Variants in REPS1 observed in about 807,000 individuals in gnomAD.
REPS1 encodes ralBP1-associated Eps domain-containing protein 1.
A neutral mutation model predicts 100.9 loss-of-function variants in REPS1; 39 were observed. That is an observed-to-expected ratio of 0.39 (90% CI 0.30 to 0.50). REPS1 has a LOEUF of 0.50. Among genes scored for constraint, REPS1 ranks in the 20% least tolerant of loss-of-function variants. The pLI is 0.86. For synonymous variants in REPS1, 324 were observed against 340.3 expected, an observed-to-expected ratio of 0.95 and a Z score of 0.53; for missense variants, 821 against 968.5, an observed-to-expected ratio of 0.85 and a Z score of 2.02.
Position 138,905,084 on chromosome 6 carries a change from G to A in REPS1, c.2371C>T (p.Arg791Ter). 1 of 1,613,842 alleles carries A rather than the reference G, an allele frequency of 6.2e-7. No individual in the cohort carries two copies. The highest frequency in any genetic ancestry group is 8.5e-7 in the Non-Finnish European group (1 of 1,179,812). The change falls in exon 20 of 20, where the codon CGA (arginine) becomes TGA (stop). Residue 791 changes from arginine to a stop codon, truncating the protein, a stop_gained. Coordinates refer to ENST00000450536, the MANE Select transcript of REPS1 (RefSeq NM_001286611.2). LOFTEE classifies it high-confidence loss of function. ...ISLEVQLEQL[R>*]PFSHL is the part of the protein sequence containing the mutation. ...TTGGCTTATAGGTGAGAGAATGGTC[G>A]AAGTTGTTCCAGTTGAACTTCCAGG... is the stretch of plus-strand genomic sequence containing the variant.
chr6:138,961,280 A>T (rs1783722454), intron 1 of REPS1, among the ~76,000 whole-genome samples: 1 of 152,084 alleles, frequency 6.6e-6, no homozygotes, highest in Admixed American at 6.5e-5. Context: ...TTTGTCGCCC[A>T]GGCTGGAGTG....
intron 10 of REPS1, among the ~76,000 whole-genome samples, chr6:138,921,519 C>G (rs189522813): frequency 6.6e-6 from 1 of 150,564 alleles, no homozygotes; most frequent in Admixed American, 6.6e-5. Flanking sequence ...TGGGCATAGC[C>G]CATGACTTAT....
Position 138,987,513 on chromosome 6 carries a change from C to T in REPS1, c.153+17G>A. The T allele has an allele frequency of 6.5e-7, 1 of 1,545,014 alleles. No homozygotes were observed. The highest frequency in any genetic ancestry group is 8.7e-7 in the Non-Finnish European group (1 of 1,144,504). On this transcript the variant is annotated intron_variant, in intron 1 of 19. Transcript: ENST00000450536. Reference sequence around the variant, plus strand: ...TGCAGGCCTAAGCCGCCCGCCGGCCCCGGGACGCGACGTTACCTGTAGGAC... The same window carrying T: ...TGCAGGCCTAAGCCGCCCGCCGGCCTCGGGACGCGACGTTACCTGTAGGAC...
At chr6:138,957,458 T>A (rs1415066933) in intron 1 of REPS1, among the ~76,000 whole-genome samples, 1 of 152,232 alleles carries the variant, frequency 6.6e-6, no homozygotes, top group African/African-American at 2.4e-5. Context: ...ATGGAAAGAA[T>A]GGACATTTTC....
chr6:138,918,329 T>C (rs1020897499), intron 12 of REPS1, among the ~76,000 whole-genome samples: 1 of 152,180 alleles, frequency 6.6e-6, no homozygotes, highest in African/African-American at 2.4e-5. Context: ...AGGATGTGCA[T>C]AGGTTACATG....
At position 138,930,490 on chromosome 6, in the gene REPS1, G is replaced by C. The variant is rs1781421726; in HGVS notation, c.1136-392C>G. 7.9e-5 allele frequency among the ~76,000 whole-genome samples: 12 copies of C among 152,262 alleles called. No homozygotes were observed. The South Asian group carries it at 2.5e-3, about 32-fold the overall frequency. On this transcript the variant is annotated intron_variant, in intron 8 of 19. Coordinates refer to ENST00000450536, the MANE Select transcript of REPS1 (RefSeq NM_001286611.2). Reference sequence around the variant, plus strand: ...TTGAAAAATTAGGTTTTCTGCTCAAGTAAGTTTGGGGAAACAATAATTCTC... The same window carrying C: ...TTGAAAAATTAGGTTTTCTGCTCAACTAAGTTTGGGGAAACAATAATTCTC...
At chr6:138,972,529 T>C (rs919612215) in intron 1 of REPS1, among the ~76,000 whole-genome samples, 2 of 152,092 alleles carry the variant, frequency 1.3e-5, no homozygotes, top group African/African-American at 4.8e-5. Context: ...GTTAACTAAA[T>C]TAAATGAGAA....
chr6:138,905,072 G>A lies in REPS1; in HGVS notation c.2383C>T (p.His795Tyr). 3 of 1,613,978 alleles carry A rather than the reference G, an allele frequency of 1.9e-6. No individual in the cohort carries two copies. Among genetic ancestry groups the A allele is most frequent in the African/African-American group, 1.3e-5 (1 of 75,052 alleles). Residue 795 changes from histidine to tyrosine, a missense_variant, in exon 20 of 20, where the codon CAC (histidine) becomes TAC (tyrosine). Physicochemically the swap from His to Tyr is moderately conservative, Grantham distance 83 (BLOSUM62 2). This residue lies in a region of REPS1 where 757 missense variants were observed against 866.4 expected (regional missense o/e 0.87). Transcript: ENST00000450536. ...AGTTAACGGCAATTGGCTTATAGGT[G>A]AGAGAATGGTCGAAGTTGTTCCAGT... ...VQLEQLRPFS[H>Y]L is the part of the protein sequence containing the mutation.
At position 138,945,279 on chromosome 6, in the gene REPS1, T is replaced by C; in HGVS notation, c.568A>G (p.Ser190Gly). 4 of 1,611,702 alleles carry C rather than the reference T, an allele frequency of 2.5e-6. No homozygotes were observed. The African/African-American group carries it at 5.3e-5, about 21-fold the overall frequency. Residue 190 changes from serine to glycine, a missense_variant, in exon 4 of 20, where the codon AGT becomes GGT. Coordinates refer to ENST00000450536, the MANE Select transcript of REPS1 (RefSeq NM_001286611.2). ...CCAGGTCCCGCGAGAGGCCTCTCACTATTCCCACCGCTGGGATGACGGCTG... is the reference window on the plus strand; with the variant it reads ...CCAGGTCCCGCGAGAGGCCTCTCACCATTCCCACCGCTGGGATGACGGCTG... ...KHSRHPSGGN[S>G]ERPLAGPGPF...
In REPS1 at chr6:138,921,086, A is replaced by G. The variant is rs772600768; in HGVS notation, c.1377T>C (p.Thr459=). 1 of 1,612,626 alleles carries G rather than the reference A, an allele frequency of 6.2e-7. No individual in the cohort carries two copies. Among genetic ancestry groups the G allele is most frequent in the Non-Finnish European group, 8.5e-7 (1 of 1,179,082 alleles). The change falls in exon 11 of 20, where the codon ACT becomes ACC. Residue 459 remains threonine, a synonymous_variant. Coordinates refer to ENST00000450536, the MANE Select transcript of REPS1 (RefSeq NM_001286611.2). ...AIVHPVPIRM[T]PSKIHMQEME... ...TTTCCTGCATGTGGATTTTGCTTGG[A>G]GTCATACGAATGGGAACTGGATGAA...
At chr6:138,944,430 A>G in intron 5 of REPS1, 68 bp downstream of exon 5, 1 of 1,523,796 alleles carries the variant, frequency 6.6e-7, no homozygotes, top group Admixed American at 2.2e-5. Flanking sequence ...AGCAAAATAT[A>G]AAAACAACGA....
Position 138,925,659 on chromosome 6 carries a change from T to TAA in REPS1, c.1338+740_1338+741dup, listed in dbSNP as rs5880412. On this transcript the variant is annotated intron_variant, in intron 10 of 19. Transcript: ENST00000450536. ...AGTGCTTATTAGCACATCCTTGTCT[T>TAA]AAAAAAAAAAAAAAAGACAGAGAGA... is the stretch of plus-strand genomic sequence containing the variant. Among the ~76,000 whole-genome samples the TAA allele has an allele frequency of 9.4e-5, 13 of 137,856 alleles. 1 individual carries two copies. Among genetic ancestry groups the TAA allele is most frequent in the South Asian group, 2.3e-4 (1 of 4,360 alleles). 90.4% of individuals were successfully genotyped at this position (137,856 alleles called of 152,430 possible).
At chr6:138,936,723 G>C (rs1305458121) in intron 8 of REPS1, among the ~76,000 whole-genome samples, 1 of 151,898 alleles carries the variant, frequency 6.6e-6, no homozygotes, top group Non-Finnish European at 1.5e-5. Flanking sequence ...AAGGGTATCT[G>C]AATAACGAAT....
At chr6:138,914,900 G>A (rs889040558) in intron 14 of REPS1, 139 bp from the exon 15 acceptor site, 3 of 722,616 alleles carry the variant, frequency 4.2e-6, no homozygotes, top group Admixed American at 5.7e-5. Context: ...GTACTAACTT[G>A]TTACATGGTC....
chr6:138,907,539 T>G lies in REPS1; in HGVS notation c.2278A>C (p.Thr760Pro). 6.2e-7 allele frequency: 1 copy of G among 1,613,692 alleles called. No homozygotes were observed. The highest frequency in any genetic ancestry group is 8.5e-7 in the Non-Finnish European group (1 of 1,179,736). Residue 760 changes from threonine to proline, a missense_variant, in exon 19 of 20, where the codon ACC (threonine) becomes CCC (proline). Thr to Pro is a conservative substitution (Grantham distance 38). This residue lies in a region of REPS1 where 757 missense variants were observed against 866.4 expected (regional missense o/e 0.87). Coordinates refer to ENST00000450536, the MANE Select transcript of REPS1 (RefSeq NM_001286611.2). ...ASIRRNKETN[T>P]VLARLNSELQ... ...TCGCTATTCAATCTGGCCAAAACGGTGTTGGTTTCCTTATTACGTCTAATT... is the reference window on the plus strand; with the variant it reads ...TCGCTATTCAATCTGGCCAAAACGGGGTTGGTTTCCTTATTACGTCTAATT...
At chr6:138,925,393 C>T in intron 10 of REPS1, among the ~76,000 whole-genome samples, 1 of 152,040 alleles carries the variant, frequency 6.6e-6, no homozygotes, top group Non-Finnish European at 1.5e-5. Context: ...AAACAAACCA[C>T]ATCAAAGGCC....
intron 14 of REPS1, 108 bp downstream of exon 14, chr6:138,915,750 T>C: frequency 1.2e-6 from 1 of 844,912 alleles, no homozygotes; most frequent in South Asian, 1.6e-5. Flanking sequence ...CTCGACCAGA[T>C]AAATATTTTT....
Position 138,917,589 on chromosome 6 carries a change from G to A in REPS1, c.1567C>T (p.Pro523Ser). The A allele has an allele frequency of 1.2e-6, 2 of 1,613,474 alleles. No homozygotes were observed. Among genetic ancestry groups the A allele is most frequent in the South Asian group, 2.2e-5 (2 of 91,062 alleles). Reference sequence around the variant, plus strand: ...GTTACATTGCTCCCGATCTGTTCTGGGTCAGAAGTAAAAGAGTCTGAACTA... The same window carrying A: ...GTTACATTGCTCCCGATCTGTTCTGAGTCAGAAGTAAAAGAGTCTGAACTA... ...YSSSDSFTSDPEQIGSNVTRQ... is the reference protein window; with the variant it reads ...YSSSDSFTSDSEQIGSNVTRQ... The change falls in exon 13 of 20, where the codon CCA becomes TCA. Residue 523 changes from proline to serine, a missense_variant. Transcript: ENST00000450536.
At chr6:138,946,217 A>C (rs1782604402) in intron 2 of REPS1, among the ~76,000 whole-genome samples, 1 of 152,214 alleles carries the variant, frequency 6.6e-6, no homozygotes, top group Non-Finnish European at 1.5e-5. Flanking sequence ...TAGATTTAGA[A>C]ATTTTCATGG....
Sources: allele counts gnomAD v4.1 joint callset (sites outside exome capture counted in the v4.1 genomes callset), GRCh38; gene constraint gnomAD v4.1.1; regional missense constraint gnomAD v4.1.1; transcripts MANE v1.5; gene names NCBI Gene and HGNC (gene_info 2026-07-23, HGNC 2026-07-21).